The following LUZP2 variants were observed in gnomAD, a reference collection of about 807,000 sequenced individuals.
LUZP2 encodes the protein leucine zipper protein 2.
A neutral mutation model predicts 51.6 loss-of-function variants in LUZP2; 52 were observed. That is an observed-to-expected ratio of 1.01 (90% CI 0.81 to 1.27). LUZP2 has a LOEUF of 1.27. Ranked by LOEUF, LUZP2 falls within the 50% of genes most tolerant of loss-of-function variation. LUZP2 has a pLI of 0.00. For missense variants in LUZP2, 436 were observed against 395.4 expected, an observed-to-expected ratio of 1.10 and a Z score of -0.87; for synonymous variants, 154 against 137.3, an observed-to-expected ratio of 1.12 and a Z score of -0.85.
intron 7 of LUZP2, among the ~76,000 whole-genome samples, chr11:24,951,825 C>A (rs1297664385): frequency 1.3e-5 from 2 of 151,542 alleles, no homozygotes; most frequent in East Asian, 3.9e-4. Context: ...AAACTTTACA[C>A]CATCCTTGAT....
chr11:25,052,763 T>A (rs1316685478), intron 10 of LUZP2, among the ~76,000 whole-genome samples: 1 of 152,136 alleles, frequency 6.6e-6, no homozygotes, highest in Non-Finnish European at 1.5e-5. Context: ...TAATTTCATT[T>A]TTTTAAATCA....
chr11:24,721,744 A>G (rs916830952), intron 1 of LUZP2, among the ~76,000 whole-genome samples: 2 of 152,190 alleles, frequency 1.3e-5, no homozygotes, highest in Non-Finnish European at 2.9e-5. Context: ...ATAGTCACCC[A>G]AAACCCAAAC....
At chr11:24,877,389 A>C (rs1307474357) in intron 5 of LUZP2, among the ~76,000 whole-genome samples, 6 of 151,772 alleles carry the variant, frequency 4.0e-5, no homozygotes, top group Admixed American at 4.0e-4. Context: ...ATAAGAAAAA[A>C]ATCAACCTCC....
At chr11:24,864,877 T>C (rs1851842518) in intron 5 of LUZP2, among the ~76,000 whole-genome samples, 1 of 152,148 alleles carries the variant, frequency 6.6e-6, no homozygotes, top group Admixed American at 6.6e-5. Flanking sequence ...ACAGGATCCA[T>C]AAACAACAAA....
intron 1 of LUZP2, among the ~76,000 whole-genome samples, chr11:24,562,751 A>G (rs1219059180): frequency 1.3e-5 from 2 of 151,228 alleles, no homozygotes; most frequent in East Asian, 3.9e-4. Flanking sequence ...AGTCCTAGCT[A>G]CTTGGGAGGC....
chr11:24,704,070 A>G (rs919947813), intron 1 of LUZP2, among the ~76,000 whole-genome samples: 5 of 152,152 alleles, frequency 3.3e-5, no homozygotes, highest in Non-Finnish European at 7.3e-5. Context: ...CTTAATCTAG[A>G]TAAGTGTTTG....
At chr11:24,858,459 G>A (rs2134239593) in intron 5 of LUZP2, among the ~76,000 whole-genome samples, 1 of 152,132 alleles carries the variant, frequency 6.6e-6, no homozygotes, top group African/African-American at 2.4e-5. Context: ...TTCTCACTGG[G>A]GGAGAAAGTT....
intron 1 of LUZP2, among the ~76,000 whole-genome samples, chr11:24,662,127 A>T (rs1026613847): frequency 4.6e-5 from 7 of 152,164 alleles, no homozygotes; most frequent in African/African-American, 1.7e-4. Flanking sequence ...AATGAAAATT[A>T]GAACAATATG....
At chr11:24,813,290 T>G (rs1850074827) in intron 5 of LUZP2, among the ~76,000 whole-genome samples, 1 of 152,182 alleles carries the variant, frequency 6.6e-6, no homozygotes, top group South Asian at 2.1e-4. Context: ...ATAGAGCCTG[T>G]ATTAGGCTGT....
chr11:24,794,014 TC>T (rs1422214652), intron 5 of LUZP2, among the ~76,000 whole-genome samples: 1 of 152,110 alleles, frequency 6.6e-6, no homozygotes, highest in Non-Finnish European at 1.5e-5. Context: ...GGATCTATTT[TC>T]CCTAACCTGA....
chr11:24,526,787 T>C (rs578079384), intron 1 of LUZP2, among the ~76,000 whole-genome samples: 1 of 151,494 alleles, frequency 6.6e-6, no homozygotes, highest in East Asian at 1.9e-4. Context: ...TTTGGTCCTA[T>C]TGATACAGAA....
intron 4 of LUZP2, among the ~76,000 whole-genome samples, chr11:24,752,398 A>T (rs1859625361): frequency 6.6e-6 from 1 of 152,206 alleles, no homozygotes; most frequent in Non-Finnish European, 1.5e-5. Context: ...CACGTAAAGC[A>T]TGGAAGTGTT....
chr11:25,059,866 C>A (rs10437618), intron 10 of LUZP2, among the ~76,000 whole-genome samples: 80,614 of 151,864 alleles, frequency 0.53, 22,093 homozygotes, highest in African/African-American at 0.61. Context: ...AGTATCAGTG[C>A]TTCTATTATG....
Position 24,926,322 on chromosome 11 carries a change from T to TGTGTGTATATATAC in LUZP2, c.522+11797_522+11798insCGTGTGTATATATA, listed in dbSNP as rs1854243130. On this transcript the variant is annotated intron_variant, in intron 7 of 11. Transcript: ENST00000336930. ...ATATATACGTGTGTATATATATACG[T>TGTGTGTATATATAC]GTGTGTATATATATATACGTGTGTA... Among the ~76,000 whole-genome samples the TGTGTGTATATATAC allele has an allele frequency of 1.9e-5, 2 of 106,812 alleles. 1 individual carries two copies. Among genetic ancestry groups the TGTGTGTATATATAC allele is most frequent in the African/African-American group, 9.0e-5 (2 of 22,152 alleles). The allele number at this position is 106,812 out of a possible 152,430, so 70.1% of individuals were successfully genotyped here.
At chr11:24,683,157 A>G (rs1224417985) in intron 1 of LUZP2, among the ~76,000 whole-genome samples, 2 of 152,186 alleles carry the variant, frequency 1.3e-5, no homozygotes, top group Non-Finnish European at 1.5e-5. Flanking sequence ...GTCTTCACTT[A>G]TTGGAAGACA....
At chr11:25,044,251 G>GTATATATA (rs1192643851) in intron 9 of LUZP2, among the ~76,000 whole-genome samples, 12 of 117,648 alleles carry the variant, frequency 1.0e-4, no homozygotes, top group South Asian at 5.5e-4. Flanking sequence ...GTGTGTGTGT[G>GTATATATA]TGTGTGTATA....
At chr11:24,821,057 G>C (rs192461929) in intron 5 of LUZP2, among the ~76,000 whole-genome samples, 1 of 152,124 alleles carries the variant, frequency 6.6e-6, no homozygotes, top group Non-Finnish European at 1.5e-5. Context: ...AGTGTTATTA[G>C]GAAAAATGAT....
intron 1 of LUZP2, among the ~76,000 whole-genome samples, chr11:24,587,262 TG>T (rs1413104917): frequency 2.0e-5 from 3 of 152,132 alleles, no homozygotes; most frequent in African/African-American, 7.2e-5. Flanking sequence ...CAGAAAGCCT[TG>T]GAGAGAGATT....
chr11:24,631,014 A>C (rs1854869835), intron 1 of LUZP2, among the ~76,000 whole-genome samples: 2 of 151,962 alleles, frequency 1.3e-5, no homozygotes, highest in African/African-American at 2.4e-5. Flanking sequence ...TGGTGTATAG[A>C]AGTACTACTG....
Sources: gnomAD v4.1 joint callset for allele counts (sites outside exome capture counted in the v4.1 genomes callset) on GRCh38, gnomAD v4.1.1 for gene constraint, MANE v1.5 for transcripts, NCBI Gene and HGNC (gene_info 2026-07-23, HGNC 2026-07-21) for gene names.